LRRC28: variants seen among roughly 807,000 people sequenced by gnomAD.
The protein encoded by LRRC28 is leucine rich repeat containing 28.
Under a neutral mutation model 45.7 loss-of-function variants are expected in LRRC28, and 39 were observed. The ratio of observed to expected loss-of-function variants is 0.85; its 90% CI spans 0.66 to 1.12. The LOEUF (loss-of-function observed/expected upper bound fraction) is 1.12. Among genes scored for constraint, LRRC28 ranks in the 50% most tolerant of loss-of-function variants. The pLI, the probability that LRRC28 is intolerant of heterozygous loss-of-function variation, is 0.00. For missense variants in LRRC28, 435 were observed against 438.5 expected, an observed-to-expected ratio of 0.99 and a Z score of 0.07; for synonymous variants, 206 against 178.8, an observed-to-expected ratio of 1.15 and a Z score of -1.22.
rs192316473 is a variant in LRRC28 at position 99,258,347 on chromosome 15, C to T, written c.168+2222C>T. 94 of 1,367,104 alleles carry T rather than the reference C, an allele frequency of 6.9e-5. 2 individuals are homozygous for T. The highest frequency in any genetic ancestry group is 6.5e-4 in the Admixed American group (39 of 59,558). 84.7% of individuals were successfully genotyped at this position (1,367,104 alleles called of 1,614,324 possible). ...TGACCCAAGAGGAAACACTCTAGGA[C>T]GGGGAACGACCATTACCCTTGTCTT... On this transcript the variant is annotated intron_variant, in intron 2 of 9. Coordinates refer to ENST00000301981, the MANE Select transcript of LRRC28 (RefSeq NM_144598.5).
chr15:99,254,740 A>G (rs186085993), intron 1 of LRRC28, among the ~76,000 whole-genome samples: 1 of 152,322 alleles, frequency 6.6e-6, no homozygotes, highest in Non-Finnish European at 1.5e-5. Flanking sequence ...TTTTGTGTTA[A>G]CTGATGGTGA....
Position 99,387,694 on chromosome 15 carries a change from A to G in LRRC28, c.*1592A>G, listed in dbSNP as rs1348307601. The stretch of plus-strand genomic sequence containing the variant: ...TGCTGTGAAGTGATTCTTTTTTTAA[A>G]ATGTTTTTTAATGATGTAAGTTTTC... On this transcript the variant is annotated 3_prime_UTR_variant, in exon 10 of 10. Coordinates refer to ENST00000301981, the MANE Select transcript of LRRC28 (RefSeq NM_144598.5). The G allele has an allele frequency of 2.0e-5, 3 of 152,100 alleles. No individual in the cohort carries two copies. The highest frequency in any genetic ancestry group is 1.3e-4 in the Admixed American group (2 of 15,270). The allele number at this position is 152,100 out of a possible 1,614,324, so 9.4% of individuals were successfully genotyped here. A position where few individuals can be genotyped will look rare whatever the true frequency, so the allele number is the denominator to read the frequency against.
chr15:99,259,477 G>A lies in LRRC28; in HGVS notation c.168+3352G>A, dbSNP rs1379473744. ...AAGAATTTGAGCCTCTGCCCAATTGGGTGAAAGATAAAGCCATTAAGGACA... is the reference window on the plus strand; with the variant it reads ...AAGAATTTGAGCCTCTGCCCAATTGAGTGAAAGATAAAGCCATTAAGGACA... On this transcript the variant is annotated intron_variant, in intron 2 of 9. Transcript: ENST00000301981. 168 of 1,162,432 alleles carry A rather than the reference G, an allele frequency of 1.4e-4. 2 individuals carry two copies. Among genetic ancestry groups the A allele is most frequent in the Non-Finnish European group, 1.6e-4 (120 of 767,972 alleles). 72.0% of individuals were successfully genotyped at this position (1,162,432 alleles called of 1,614,324 possible). A position where few individuals can be genotyped will look rare whatever the true frequency, so the allele number is the denominator to read the frequency against.
At chr15:99,342,263 C>G (rs180752867) in intron 6 of LRRC28, among the ~76,000 whole-genome samples, 1 of 152,340 alleles carries the variant, frequency 6.6e-6, no homozygotes, top group Admixed American at 6.5e-5. Context: ...AACCAGCTCT[C>G]TCACCCTTAG....
chr15:99,318,844 T>G (rs765817432), intron 5 of LRRC28, among the ~76,000 whole-genome samples: 2 of 152,126 alleles, frequency 1.3e-5, no homozygotes, highest in Non-Finnish European at 2.9e-5. Context: ...GCATGTGTTT[T>G]TCCAGTGGTT....
At position 99,260,852 on chromosome 15, in the gene LRRC28, T is replaced by G. The variant is rs544464432; in HGVS notation, c.168+4727T>G. On this transcript the variant is annotated intron_variant, in intron 2 of 9. Transcript: ENST00000301981. ...TATTGCTTAATTGGCCTTTTACTTA[T>G]GGATTTTAAACAAGCTTGGGAATCT... Among the ~76,000 whole-genome samples, 5 of 152,354 alleles carry G rather than the reference T, an allele frequency of 3.3e-5. No homozygotes were observed. In the East Asian group the frequency reaches 7.7e-4, roughly 23 times the overall value.
chr15:99,283,588 C>A (rs2081871758), intron 3 of LRRC28, among the ~76,000 whole-genome samples: 2 of 143,538 alleles, frequency 1.4e-5, no homozygotes, highest in African/African-American at 5.2e-5. Context: ...GGCACTCTAG[C>A]CTGGACGACA....
Position 99,255,868 on chromosome 15 carries a change from A to G in LRRC28, c.-60-30A>G, listed in dbSNP as rs1018433897. 6 of 1,411,084 alleles carry G rather than the reference A, an allele frequency of 4.3e-6. No individual in the cohort carries two copies. The African/African-American group carries it at 8.7e-5, about 20-fold the overall frequency. 87.4% of individuals were successfully genotyped at this position (1,411,084 alleles called of 1,614,324 possible). ...TGGCAATTCTTGTAAAAAATCTTACAATGAATAAATTTTCTCGTTCTCTTT... is the reference window on the plus strand; with the variant it reads ...TGGCAATTCTTGTAAAAAATCTTACGATGAATAAATTTTCTCGTTCTCTTT... On this transcript the variant is annotated intron_variant, in intron 1 of 9. Transcript: ENST00000301981.
At chr15:99,353,479 C>T (rs1429401055) in intron 7 of LRRC28, among the ~76,000 whole-genome samples, 1 of 152,192 alleles carries the variant, frequency 6.6e-6, no homozygotes, top group Non-Finnish European at 1.5e-5. Flanking sequence ...AGTGCCTATA[C>T]AGGCTGATGA....
intron 7 of LRRC28, among the ~76,000 whole-genome samples, chr15:99,356,191 C>G (rs1395382571): frequency 6.6e-6 from 1 of 152,098 alleles, no homozygotes; most frequent in Non-Finnish European, 1.5e-5. Context: ...TCCAAAATTA[C>G]AAGACATGTA....
intron 9 of LRRC28, among the ~76,000 whole-genome samples, chr15:99,374,743 C>T (rs1019250322): frequency 7.3e-5 from 11 of 151,542 alleles, no homozygotes; most frequent in African/African-American, 2.2e-4. Context: ...GGCATGATCT[C>T]GGCTCACTCT....
intron 5 of LRRC28, among the ~76,000 whole-genome samples, chr15:99,288,605 C>T (rs1023455586): frequency 3.0e-4 from 45 of 152,072 alleles, no homozygotes; most frequent in African/African-American, 9.4e-4. Flanking sequence ...TGGTTTCAAT[C>T]TCCTGACCTT....
chr15:99,338,315 C>T (rs181652614), intron 6 of LRRC28: 1 of 152,418 alleles, frequency 6.6e-6, no homozygotes, highest in East Asian at 1.9e-4. Context: ...TCTGAAAAAC[C>T]AAAGCCATCT....
At chr15:99,376,545 T>A (rs1957639582) in intron 9 of LRRC28, among the ~76,000 whole-genome samples, 1 of 152,128 alleles carries the variant, frequency 6.6e-6, no homozygotes, top group Non-Finnish European at 1.5e-5. Context: ...TGAAAAAAAA[T>A]TTTTTATACT....
At chr15:99,273,706 T>C (rs1479748177) in intron 2 of LRRC28, among the ~76,000 whole-genome samples, 1 of 152,072 alleles carries the variant, frequency 6.6e-6, no homozygotes, top group Non-Finnish European at 1.5e-5. Context: ...GAGCTACACC[T>C]CAAAAGAACT....
In LRRC28 at chr15:99,363,333, G is replaced by A. The variant is rs959028636; in HGVS notation, c.1031+68G>A. The A allele has an allele frequency of 1.1e-5, 17 of 1,564,102 alleles. No individual in the cohort carries two copies. In the Admixed American group the frequency reaches 2.5e-4, roughly 23 times the overall value. On this transcript the variant is annotated intron_variant, in intron 9 of 9. Transcript: ENST00000301981. Reference sequence around the variant, plus strand: ...GGGGTGGCAGGTGGGGAGGGGAGAGGCTGTGCATGAAAGCATTAAGTCAGC... The same window carrying A: ...GGGGTGGCAGGTGGGGAGGGGAGAGACTGTGCATGAAAGCATTAAGTCAGC...
At chr15:99,310,065 C>A (rs1955347532) in intron 5 of LRRC28, among the ~76,000 whole-genome samples, 1 of 152,008 alleles carries the variant, frequency 6.6e-6, no homozygotes. Flanking sequence ...CAAAAGTGAA[C>A]TGTTAAGCAT....
intron 6 of LRRC28, among the ~76,000 whole-genome samples, chr15:99,341,837 A>G (rs1321362300): frequency 6.6e-6 from 1 of 152,210 alleles, no homozygotes; most frequent in Non-Finnish European, 1.5e-5. Context: ...GTGCAGTACT[A>G]GTGAAGTCTG....
At chr15:99,256,170 G>A (rs1296618919) in intron 2 of LRRC28, 45 bp downstream of exon 2, 3 of 1,504,274 alleles carry the variant, frequency 2.0e-6, no homozygotes, top group African/African-American at 2.8e-5. Context: ...TATACATGTG[G>A]TCCTGATCAA....
Sources: allele counts gnomAD v4.1 joint callset (sites outside exome capture counted in the v4.1 genomes callset), GRCh38; gene constraint gnomAD v4.1.1; transcripts MANE v1.5; gene names NCBI Gene and HGNC (gene_info 2026-07-23, HGNC 2026-07-21).